The following LRRTM4 variants were observed in gnomAD, a reference collection of about 807,000 sequenced individuals.
LRRTM4 encodes leucine rich repeat transmembrane neuronal 4.
In LRRTM4, 25 loss-of-function variants were observed where a neutral mutation model predicts 47.6. The observed-to-expected ratio is 0.53, with a 90% CI of 0.38 to 0.73. The LOEUF is 0.73. Ranked by LOEUF, LRRTM4 falls within the 30% of genes least tolerant of loss-of-function variation. The probability of loss-of-function intolerance (pLI) is 0.00; values close to 1 mark genes in which losing one functional copy is unlikely to be tolerated. For missense variants in LRRTM4, 638 were observed against 713.4 expected, an observed-to-expected ratio of 0.89 and a Z score of 1.20; for synonymous variants, 311 against 269.5, an observed-to-expected ratio of 1.15 and a Z score of -1.51.
At chr2:77,174,519 G>A (rs1215996584) in intron 3 of LRRTM4, among the ~76,000 whole-genome samples, 1 of 152,118 alleles carries the variant, frequency 6.6e-6, no homozygotes, top group Non-Finnish European at 1.5e-5. Flanking sequence ...ACCGGTAGTT[G>A]TTACATAGAA....
At chr2:77,227,643 C>A (rs1674851478) in intron 3 of LRRTM4, among the ~76,000 whole-genome samples, 1 of 152,040 alleles carries the variant, frequency 6.6e-6, no homozygotes, top group African/African-American at 2.4e-5. Flanking sequence ...GGGCCTGGCA[C>A]ATAGTAGGGG....
At chr2:77,451,726 G>A (rs577079225) in intron 3 of LRRTM4, among the ~76,000 whole-genome samples, 1 of 152,236 alleles carries the variant, frequency 6.6e-6, no homozygotes, top group East Asian at 1.9e-4. Context: ...TAAATAAGGT[G>A]CTTTCAGAGG....
intron 3 of LRRTM4, among the ~76,000 whole-genome samples, chr2:77,411,817 A>G (rs977476929): frequency 6.6e-6 from 1 of 151,688 alleles, no homozygotes; most frequent in Non-Finnish European, 1.5e-5. Context: ...TCAACACACC[A>G]ATGTGTTCAT....
chr2:77,125,906 AATAT>A (rs71964749), intron 3 of LRRTM4, among the ~76,000 whole-genome samples: 48 of 146,574 alleles, frequency 3.3e-4, no homozygotes, highest in African/African-American at 5.2e-4. Flanking sequence ...ATATGCGTTG[AATAT>A]ATATATATAT....
At chr2:76,997,976 C>T (rs993586427) in intron 3 of LRRTM4, among the ~76,000 whole-genome samples, 4 of 151,920 alleles carry the variant, frequency 2.6e-5, no homozygotes, top group Non-Finnish European at 5.9e-5. Flanking sequence ...TCCCATCACC[C>T]CAAGATGGGA....
chr2:76,907,615 AAG>A (rs1277301664), intron 3 of LRRTM4, among the ~76,000 whole-genome samples: 1 of 132,944 alleles, frequency 7.5e-6, no homozygotes, highest in Non-Finnish European at 1.6e-5. Flanking sequence ...TAAAGAAAAA[AAG>A]AGAGAAGAAT....
At chr2:77,276,451 A>G (rs2104086308) in intron 3 of LRRTM4, among the ~76,000 whole-genome samples, 1 of 150,630 alleles carries the variant, frequency 6.6e-6, no homozygotes, top group Admixed American at 6.7e-5. Flanking sequence ...AAGAAAGGAA[A>G]GAATCTTGTC....
chr2:76,823,467 A>C (rs1376830806), intron 3 of LRRTM4, among the ~76,000 whole-genome samples: 1 of 151,436 alleles, frequency 6.6e-6, no homozygotes, highest in Non-Finnish European at 1.5e-5. Context: ...TATACAAGCA[A>C]AATTACATTT....
At chr2:76,935,918 C>G (rs1674930297) in intron 3 of LRRTM4, among the ~76,000 whole-genome samples, 1 of 152,028 alleles carries the variant, frequency 6.6e-6, no homozygotes, top group African/African-American at 2.4e-5. Flanking sequence ...TTTTCTTGTG[C>G]CAGTTTTCAA....
chr2:77,310,053 AC>A (rs1677408208), intron 3 of LRRTM4, among the ~76,000 whole-genome samples: 1 of 152,166 alleles, frequency 6.6e-6, no homozygotes, highest in African/African-American at 2.4e-5. Context: ...TACAAAAAAA[AC>A]TTTTTTTGGC....
At chr2:77,062,275 GTTTAT>G (rs1344851752) in intron 3 of LRRTM4, among the ~76,000 whole-genome samples, 1 of 152,100 alleles carries the variant, frequency 6.6e-6, no homozygotes, top group Non-Finnish European at 1.5e-5. Flanking sequence ...ATTATTTGCA[GTTTAT>G]TTTAGCTTCT....
chr2:76,889,081 T>C (rs886558259), intron 3 of LRRTM4, among the ~76,000 whole-genome samples: 1 of 151,196 alleles, frequency 6.6e-6, no homozygotes, highest in African/African-American at 2.4e-5. Context: ...CTTATCAAAA[T>C]TGAGTTTGAA....
At chr2:76,876,424 T>C (rs995712341) in intron 3 of LRRTM4, among the ~76,000 whole-genome samples, 5 of 152,086 alleles carry the variant, frequency 3.3e-5, no homozygotes, top group Non-Finnish European at 5.9e-5. Context: ...ATGAATGTTG[T>C]TTTTACTGAA....
intron 3 of LRRTM4, among the ~76,000 whole-genome samples, chr2:76,796,880 G>A (rs141992911): frequency 0.03 from 4,576 of 152,040 alleles, 231 homozygotes; most frequent in African/African-American, 0.091. Flanking sequence ...ATCAGCAATG[G>A]AAGATGAAAT....
Position 76,781,721 on chromosome 2 carries a change from G to A in LRRTM4, c.1552-32805C>T, listed in dbSNP as rs971853682. ...GCAGAAATCACCCGTCCTCTGCGTCGCTCACGCTGGGAGCTATAGACCGGA... is the reference window on the plus strand; with the variant it reads ...GCAGAAATCACCCGTCCTCTGCGTCACTCACGCTGGGAGCTATAGACCGGA... On this transcript the variant is annotated intron_variant, in intron 3 of 3. Transcript: ENST00000409884. 3.3e-5 allele frequency among the ~76,000 whole-genome samples: 5 copies of A among 151,354 alleles called. No homozygotes were observed. The East Asian group carries it at 5.8e-4, about 18-fold the overall frequency.
At chr2:76,834,456 T>A (rs1033603890) in intron 3 of LRRTM4, among the ~76,000 whole-genome samples, 11 of 152,080 alleles carry the variant, frequency 7.2e-5, no homozygotes, top group Admixed American at 2.0e-4. Flanking sequence ...TCAATGAGAA[T>A]AGCTCCTTTG....
chr2:77,192,062 C>T (rs952332953), intron 3 of LRRTM4, among the ~76,000 whole-genome samples: 8 of 152,032 alleles, frequency 5.3e-5, no homozygotes, highest in African/African-American at 1.9e-4. Context: ...TGTAAAGCTA[C>T]AATTTCACAT....
chr2:76,767,448 G>A (rs1673501229), intron 3 of LRRTM4, among the ~76,000 whole-genome samples: 1 of 152,248 alleles, frequency 6.6e-6, no homozygotes, highest in East Asian at 1.9e-4. Flanking sequence ...TGGTAAAATT[G>A]AGGCACAGGT....
intron 3 of LRRTM4, among the ~76,000 whole-genome samples, chr2:77,125,924 T>C (rs892276877): frequency 9.8e-5 from 14 of 142,460 alleles, no homozygotes; most frequent in African/African-American, 2.1e-4. Flanking sequence ...TATATATATA[T>C]ACTATGTATG....
Sources: gnomAD v4.1 joint callset for allele counts (sites outside exome capture counted in the v4.1 genomes callset) on GRCh38, gnomAD v4.1.1 for gene constraint, MANE v1.5 for transcripts, NCBI Gene and HGNC (gene_info 2026-07-23, HGNC 2026-07-21) for gene names.